Variants in PPM1L observed in about 807,000 individuals in gnomAD.
The protein encoded by PPM1L is protein phosphatase 1L.
A neutral mutation model predicts 31.4 loss-of-function variants in PPM1L; 13 were observed. The ratio of observed to expected loss-of-function variants is 0.41; its 90% confidence interval spans 0.27 to 0.66. The LOEUF (loss-of-function observed/expected upper bound fraction) is 0.66, where lower values mean the gene tolerates loss of function less well. Among genes scored for constraint, PPM1L ranks in the 30% least tolerant of loss-of-function variants. PPM1L has a pLI of 0.29. For synonymous variants in PPM1L, 184 were observed against 175.4 expected (o/e 1.05, Z -0.39); for missense variants, 326 against 453.7 (o/e 0.72, Z 2.56).
At chr3:160,950,463 C>T (rs1715546979) in intron 1 of PPM1L, among the ~76,000 whole-genome samples, 1 of 152,184 alleles carries the variant, frequency 6.6e-6, no homozygotes, top group South Asian at 2.1e-4. Context: ...CATACCCCAA[C>T]TACACATACA....
At chr3:160,762,507 T>A (rs1714994730) in intron 1 of PPM1L, among the ~76,000 whole-genome samples, 1 of 152,172 alleles carries the variant, frequency 6.6e-6, no homozygotes, top group South Asian at 2.1e-4. Flanking sequence ...TAAAGATGAT[T>A]TGGTGCATTC....
At chr3:160,912,946 T>C (rs1162883499) in intron 1 of PPM1L, among the ~76,000 whole-genome samples, 1 of 152,204 alleles carries the variant, frequency 6.6e-6, no homozygotes, top group East Asian at 1.9e-4. Context: ...AGCTTTCTTT[T>C]GTAAAAGTTA....
chr3:160,994,127 T>C (rs781594854), intron 2 of PPM1L, among the ~76,000 whole-genome samples: 1 of 152,212 alleles, frequency 6.6e-6, no homozygotes, highest in African/African-American at 2.4e-5. Flanking sequence ...ATATACTTGA[T>C]GAATTATTAA....
At chr3:160,980,152 GTC>G in intron 2 of PPM1L, among the ~76,000 whole-genome samples, 1 of 152,038 alleles carries the variant, frequency 6.6e-6, no homozygotes, top group East Asian at 1.9e-4. Flanking sequence ...AGTTTCTGAT[GTC>G]AATTTCTGTT....
At chr3:160,975,928 GA>G (rs1716554395) in intron 2 of PPM1L, among the ~76,000 whole-genome samples, 1 of 148,310 alleles carries the variant, frequency 6.7e-6, no homozygotes, top group Non-Finnish European at 1.5e-5. Context: ...GGAGTGGTGA[GA>G]GAGGGCATCC....
At chr3:160,763,846 G>A (rs1715034521) in intron 1 of PPM1L, among the ~76,000 whole-genome samples, 1 of 152,018 alleles carries the variant, frequency 6.6e-6, no homozygotes, top group Non-Finnish European at 1.5e-5. Context: ...GAGAGGGAGA[G>A]GATGTGATGG....
chr3:160,843,844 C>T (rs935495219), intron 1 of PPM1L, among the ~76,000 whole-genome samples: 3 of 151,998 alleles, frequency 2.0e-5, no homozygotes, highest in Non-Finnish European at 4.4e-5. Context: ...ATGTTTATTG[C>T]GGCACTATTC....
intron 2 of PPM1L, among the ~76,000 whole-genome samples, chr3:161,014,802 G>A (rs1718026200): frequency 6.6e-6 from 1 of 152,146 alleles, no homozygotes; most frequent in African/African-American, 2.4e-5. Flanking sequence ...ACTAGTATAA[G>A]CACTAATGCT....
intron 1 of PPM1L, among the ~76,000 whole-genome samples, chr3:160,892,359 C>A (rs1374930070): frequency 1.3e-5 from 2 of 151,936 alleles, no homozygotes; most frequent in Non-Finnish European, 2.9e-5. Context: ...TTTTAAATGA[C>A]CAGATCTCAT....
chr3:160,956,672 C>T (rs1328169028), intron 1 of PPM1L, among the ~76,000 whole-genome samples: 1 of 152,196 alleles, frequency 6.6e-6, no homozygotes, highest in Non-Finnish European at 1.5e-5. Flanking sequence ...CATAATTTGC[C>T]ATTTTGGCGT....
intron 2 of PPM1L, among the ~76,000 whole-genome samples, chr3:161,033,385 G>C (rs891312725): frequency 1.3e-5 from 2 of 152,044 alleles, no homozygotes; most frequent in African/African-American, 2.4e-5. Flanking sequence ...AGAGCCAAGA[G>C]AATCCTAAGC....
At chr3:160,819,488 G>A (rs1285961494) in intron 1 of PPM1L, among the ~76,000 whole-genome samples, 1 of 151,880 alleles carries the variant, frequency 6.6e-6, no homozygotes, top group East Asian at 1.9e-4. Flanking sequence ...TCCATTTATT[G>A]AGCACTATTT....
chr3:161,014,646 T>C (rs1446396908), intron 2 of PPM1L, among the ~76,000 whole-genome samples: 1 of 152,162 alleles, frequency 6.6e-6, no homozygotes, highest in East Asian at 1.9e-4. Context: ...AGCTAACTTT[T>C]ATATTTTTAG....
In PPM1L at chr3:160,756,580, A is replaced by G. The variant is rs1714810029; in HGVS notation, c.272A>G (p.His91Arg). The change falls in exon 1 of 4, where the codon CAC becomes CGC. Residue 91 changes from histidine to arginine, a missense_variant. Physicochemically the swap from His to Arg is conservative, Grantham distance 29 (BLOSUM62 0). Transcript: ENST00000498165. This position sits in a 1 kb window ranked among gnomAD's most constrained non-coding sequence, Gnocchi z 6.2. Reference sequence around the variant, plus strand: ...TCCAAGACCTGGGAGTTCAAGAACCACAACGTGGCGGTGTACTCCATCCAG... The same window carrying G: ...TCCAAGACCTGGGAGTTCAAGAACCGCAACGTGGCGGTGTACTCCATCCAG... ...EFSKTWEFKN[H>R]NVAVYSIQGR... The G allele has an allele frequency of 1.2e-6, 2 of 1,614,046 alleles. No homozygotes were observed. Among genetic ancestry groups the G allele is most frequent in the African/African-American group, 2.7e-5 (2 of 74,922 alleles).
At chr3:161,052,780 G>A (rs1719313571) in intron 2 of PPM1L, among the ~76,000 whole-genome samples, 1 of 152,174 alleles carries the variant, frequency 6.6e-6, no homozygotes, top group Non-Finnish European at 1.5e-5. Context: ...ATAGGGAAGA[G>A]TGTTGATTCT....
At chr3:160,928,135 C>A (rs906166486) in intron 1 of PPM1L, among the ~76,000 whole-genome samples, 1 of 152,096 alleles carries the variant, frequency 6.6e-6, no homozygotes, top group Non-Finnish European at 1.5e-5. Context: ...ATTTATAGTT[C>A]GATGATCTGG....
chr3:160,951,534 A>G (rs1054716048), intron 1 of PPM1L, among the ~76,000 whole-genome samples: 1 of 152,214 alleles, frequency 6.6e-6, no homozygotes. Flanking sequence ...GATCTAGAAA[A>G]GAGAGGTAAG....
At chr3:160,950,734 C>CT (rs1483399881) in intron 1 of PPM1L, among the ~76,000 whole-genome samples, 1 of 152,164 alleles carries the variant, frequency 6.6e-6, no homozygotes, top group Non-Finnish European at 1.5e-5. Flanking sequence ...TTTTGGCTAC[C>CT]TTCTAAGCAG....
rs75599237 is a variant in PPM1L, at chr3:160,973,764, G to GTTTTTTTT, written c.574+11876_574+11883dup. ...GGTAAATTGCCTTCTGAAAGGCCCT[G>GTTTTTTTT]TTTTTTTTTTTTTTTTTTTTTTTTT... On this transcript the variant is annotated intron_variant, in intron 2 of 3. Transcript: ENST00000498165. Among the ~76,000 whole-genome samples, 298 of 88,370 alleles carry GTTTTTTTT rather than the reference G, an allele frequency of 3.4e-3. 20 individuals are homozygous for GTTTTTTTT. The highest frequency in any genetic ancestry group is 8.5e-3 in the African/African-American group (234 of 27,528). 58.0% of individuals were successfully genotyped at this position (88,370 alleles called of 152,430 possible).
Sources: allele counts gnomAD v4.1 joint callset (sites outside exome capture counted in the v4.1 genomes callset), GRCh38; gene constraint gnomAD v4.1.1; non-coding constraint Gnocchi (gnomAD v3.1); transcripts MANE v1.5; gene names NCBI Gene and HGNC (gene_info 2026-07-23, HGNC 2026-07-21).